Variants in HERC4 observed in about 807,000 individuals in gnomAD.
HERC4 encodes the protein HECT and RLD domain containing E3 ubiquitin protein ligase 4, also known as probable E3 ubiquitin-protein ligase HERC4.
Under a neutral mutation model 124.3 loss-of-function variants are expected in HERC4, and 28 were observed. That is an observed-to-expected ratio of 0.23 (90% CI 0.17 to 0.31). The LOEUF (loss-of-function observed/expected upper bound fraction) is 0.31, where lower values mean the gene tolerates loss of function less well. HERC4 is among the 10% of genes least tolerant of loss of function. The pLI, the probability that HERC4 is intolerant of heterozygous loss-of-function variation, is 1.00. For synonymous variants in HERC4, 407 were observed against 421.5 expected (o/e 0.97, Z 0.42); for missense variants, 713 against 1,229.3 (o/e 0.58, Z 6.28).
intron 9 of HERC4, among the ~76,000 whole-genome samples, chr10:68,001,200 G>T (rs1235053883): frequency 6.6e-6 from 1 of 151,764 alleles, no homozygotes; most frequent in Non-Finnish European, 1.5e-5. Flanking sequence ...GTGAGACCCC[G>T]TCTCTACAAA....
chr10:68,044,848 AG>A (rs1247054971), intron 3 of HERC4, among the ~76,000 whole-genome samples: 1 of 152,216 alleles, frequency 6.6e-6, no homozygotes, highest in Non-Finnish European at 1.5e-5. Context: ...GAAGAAGTTA[AG>A]GGTTTATAAA....
chr10:68,053,333 TC>T (rs952194174), intron 3 of HERC4, among the ~76,000 whole-genome samples: 6 of 151,526 alleles, frequency 4.0e-5, no homozygotes, highest in Admixed American at 6.6e-5. Flanking sequence ...TTAGACCAGG[TC>T]TCTCTGTCGC....
intron 20 of HERC4, among the ~76,000 whole-genome samples, chr10:67,939,945 G>A (rs1267012799): frequency 6.6e-6 from 1 of 150,998 alleles, no homozygotes; most frequent in South Asian, 2.1e-4. Context: ...TATTTTTCCC[G>A]AGATGGAGTC....
chr10:67,988,609 C>T, intron 15 of HERC4, 54 bp downstream of exon 15: 1 of 1,098,700 alleles, frequency 9.1e-7, no homozygotes. Context: ...TGAACAGTAT[C>T]AATCTGTTAA....
intron 15 of HERC4, among the ~76,000 whole-genome samples, chr10:67,979,572 A>G (rs2035804893): frequency 1.3e-5 from 2 of 152,176 alleles, no homozygotes; most frequent in Non-Finnish European, 2.9e-5. Context: ...ATAGAAAAAG[A>G]TATCAATATC....
At chr10:67,958,802 C>T (rs2034308824) in intron 16 of HERC4, among the ~76,000 whole-genome samples, 1 of 152,024 alleles carries the variant, frequency 6.6e-6, no homozygotes, top group African/African-American at 2.4e-5. Flanking sequence ...TAAAAGTTTG[C>T]TTTTTTATAT....
At chr10:68,034,773 A>G (rs2039371599) in intron 5 of HERC4, among the ~76,000 whole-genome samples, 1 of 151,950 alleles carries the variant, frequency 6.6e-6, no homozygotes, top group Non-Finnish European at 1.5e-5. Context: ...TAAGTGACTC[A>G]GTAGCAAAAA....
chr10:67,959,175 G>A (rs747309252), intron 16 of HERC4: 5 of 1,554,184 alleles, frequency 3.2e-6, no homozygotes, highest in South Asian at 1.2e-5. Context: ...AACGAGGAAA[G>A]AGCAATATTA....
intron 17 of HERC4, chr10:67,955,544 G>C (rs181783691): frequency 1.3e-3 from 201 of 154,070 alleles, no homozygotes; most frequent in South Asian, 4.3e-3. Context: ...GGCCAATGAG[G>C]GCAGATTACT....
intron 8 of HERC4, 46 bp downstream of exon 8, chr10:68,025,500 C>T: frequency 6.4e-7 from 1 of 1,563,812 alleles, no homozygotes; most frequent in Admixed American, 1.8e-5. Context: ...AATCCCTAAA[C>T]AACTGCAGTT....
intron 23 of HERC4, among the ~76,000 whole-genome samples, chr10:67,926,491 G>C (rs2030986750): frequency 6.6e-6 from 1 of 151,848 alleles, no homozygotes; most frequent in Admixed American, 6.6e-5. Flanking sequence ...AGTTTATACT[G>C]TGAACTGTTC....
chr10:67,949,070 A>G (rs2033602592), intron 19 of HERC4, among the ~76,000 whole-genome samples: 1 of 152,054 alleles, frequency 6.6e-6, no homozygotes, highest in Non-Finnish European at 1.5e-5. Context: ...TGGCTAACAC[A>G]GTGAAACCCC....
chr10:67,967,198 G>A (rs1206895523), intron 15 of HERC4, among the ~76,000 whole-genome samples: 1 of 152,140 alleles, frequency 6.6e-6, no homozygotes, highest in African/African-American at 2.4e-5. Context: ...ATGCTTTGGG[G>A]ATTTTCTTAG....
At position 67,943,552 on chromosome 10, in the gene HERC4, G is replaced by C. The variant is rs1290531096; in HGVS notation, c.2338-2447C>G. On this transcript the variant is annotated intron_variant, in intron 19 of 24. Transcript: ENST00000373700. ...GCTGGTAAACATAAAGACTCTAAAA[G>C]GCGGAGGTATTAGAGTGGGGTTGAA... Among the ~76,000 whole-genome samples, 21 of 152,212 alleles carry C rather than the reference G, an allele frequency of 1.4e-4. 1 individual carries two copies. The highest frequency in any genetic ancestry group is 1.4e-3 in the Admixed American group (21 of 15,282).
intron 15 of HERC4, among the ~76,000 whole-genome samples, chr10:67,983,637 A>G (rs1455684496): frequency 2.0e-5 from 3 of 151,878 alleles, no homozygotes; most frequent in Non-Finnish European, 4.4e-5. Flanking sequence ...ATAAAAAAAA[A>G]TTAGCCAGGT....
chr10:67,999,204 T>C (rs2037083165), intron 9 of HERC4, among the ~76,000 whole-genome samples: 1 of 152,236 alleles, frequency 6.6e-6, no homozygotes, highest in Non-Finnish European at 1.5e-5. Context: ...CAGCTATATT[T>C]ACATATCAGA....
chr10:67,942,248 T>C (rs1406553288), intron 19 of HERC4, among the ~76,000 whole-genome samples: 1 of 152,222 alleles, frequency 6.6e-6, no homozygotes, highest in East Asian at 1.9e-4. Context: ...TTATCTCATA[T>C]GGTTGTTGTG....
At position 68,015,289 on chromosome 10, in the gene HERC4, C is replaced by T. The variant is rs551270045; in HGVS notation, c.909-1103G>A. 2.9e-4 allele frequency among the ~76,000 whole-genome samples: 44 copies of T among 152,304 alleles called. 1 individual carries two copies. In the South Asian group the frequency reaches 8.7e-3, roughly 30 times the overall value. On this transcript the variant is annotated intron_variant, in intron 8 of 24. Transcript: ENST00000373700. The stretch of plus-strand genomic sequence containing the variant: ...GACAAACTGTCCCAGCTGAGGCCAT[C>T]CTAGACTTCCAGCTCCTAGCCAGAT...
chr10:67,934,965 GT>G (rs564960902), intron 22 of HERC4, among the ~76,000 whole-genome samples: 17,856 of 140,890 alleles, frequency 0.13, 1,173 homozygotes, highest in Middle Eastern at 0.19. Flanking sequence ...TTTCAAATGA[GT>G]TTTTTTTTTT....
Sources: allele counts gnomAD v4.1 joint callset (sites outside exome capture counted in the v4.1 genomes callset), GRCh38; gene constraint gnomAD v4.1.1; transcripts MANE v1.5; gene names NCBI Gene and HGNC (gene_info 2026-07-23, HGNC 2026-07-21).